Variants in GRM1 observed in about 807,000 individuals in gnomAD.
The protein encoded by GRM1 is metabotropic glutamate receptor 1.
GRM1 carries 33 observed loss-of-function variants against 90.9 expected under a neutral mutation model. That is an observed-to-expected ratio of 0.36 (90% CI 0.28 to 0.49). The LOEUF (loss-of-function observed/expected upper bound fraction) is 0.49. GRM1 is among the 20% of genes least tolerant of loss of function. The probability of loss-of-function intolerance (pLI) is 0.99; values close to 1 mark genes in which losing one functional copy is unlikely to be tolerated. For synonymous variants in GRM1, 700 were observed against 613.2 expected, an observed-to-expected ratio of 1.14 and a Z score of -2.09; for missense variants, 1,190 against 1,534.3, an observed-to-expected ratio of 0.78 and a Z score of 3.75.
chr6:146,425,383 T>C (rs1238850166), intron 7 of GRM1, among the ~76,000 whole-genome samples: 5 of 152,228 alleles, frequency 3.3e-5, no homozygotes, highest in African/African-American at 1.2e-4. Context: ...AGGGGCATGG[T>C]CTCCTCCTGC....
chr6:146,371,702 T>G (rs1405848799), intron 5 of GRM1, among the ~76,000 whole-genome samples: 1 of 152,072 alleles, frequency 6.6e-6, no homozygotes, highest in Non-Finnish European at 1.5e-5. Flanking sequence ...CGCAGATAAG[T>G]GGGAATATGT....
chr6:146,259,806 A>G (rs1178617492), intron 2 of GRM1, among the ~76,000 whole-genome samples: 1 of 151,882 alleles, frequency 6.6e-6, no homozygotes, highest in Admixed American at 6.6e-5. Context: ...GTTTTTCTGG[A>G]TATATAACCA....
At chr6:146,383,339 T>C (rs1269996058) in intron 5 of GRM1, among the ~76,000 whole-genome samples, 1 of 152,168 alleles carries the variant, frequency 6.6e-6, no homozygotes, top group African/African-American at 2.4e-5. Flanking sequence ...TTTGAATTTG[T>C]CTAATTAGCA....
At chr6:146,233,330 GTC>G (rs1354851971) in intron 2 of GRM1, among the ~76,000 whole-genome samples, 1 of 152,088 alleles carries the variant, frequency 6.6e-6, no homozygotes, top group Non-Finnish European at 1.5e-5. Flanking sequence ...TAATTGTGGA[GTC>G]TCTGCCCAAC....
chr6:146,384,874 T>C (rs949729829), intron 5 of GRM1, among the ~76,000 whole-genome samples: 1 of 152,090 alleles, frequency 6.6e-6, no homozygotes, highest in Non-Finnish European at 1.5e-5. Context: ...ATGGATTGGA[T>C]TAACAGCACA....
At chr6:146,380,092 G>C (rs1583415057) in intron 5 of GRM1, among the ~76,000 whole-genome samples, 1 of 152,102 alleles carries the variant, frequency 6.6e-6, no homozygotes, top group African/African-American at 2.4e-5. Flanking sequence ...TCTTTCTCAA[G>C]GCCTGCTGAA....
At chr6:146,405,330 G>A (rs1777307802) in intron 7 of GRM1, among the ~76,000 whole-genome samples, 1 of 152,114 alleles carries the variant, frequency 6.6e-6, no homozygotes, top group Non-Finnish European at 1.5e-5. Context: ...ACAAACATTA[G>A]GGAACTCTTA....
intron 2 of GRM1, among the ~76,000 whole-genome samples, chr6:146,169,094 T>C (rs1166624246): frequency 1.3e-5 from 2 of 152,162 alleles, no homozygotes; most frequent in Non-Finnish European, 2.9e-5. Flanking sequence ...CATTTTTACA[T>C]AGAAATTTTA....
chr6:146,394,319 T>C (rs1479655933), intron 6 of GRM1, among the ~76,000 whole-genome samples: 2 of 152,142 alleles, frequency 1.3e-5, no homozygotes, highest in Non-Finnish European at 2.9e-5. Context: ...GATAAATTCC[T>C]CTTAGTAGTA....
At chr6:146,135,113 G>A (rs1776571230) in intron 1 of GRM1, among the ~76,000 whole-genome samples, 1 of 152,106 alleles carries the variant, frequency 6.6e-6, no homozygotes, top group Admixed American at 6.5e-5. Context: ...GATAATATTT[G>A]CATATATATA....
chr6:146,188,072 T>G (rs1445209543), intron 2 of GRM1, among the ~76,000 whole-genome samples: 4 of 152,074 alleles, frequency 2.6e-5, no homozygotes, highest in Admixed American at 1.3e-4. Flanking sequence ...TCATTTAAAG[T>G]GTTTCAAAAA....
chr6:146,038,050 CTGCTCCACAT>C (rs1265363520), intron 1 of GRM1, among the ~76,000 whole-genome samples: 1 of 151,990 alleles, frequency 6.6e-6, no homozygotes, highest in East Asian at 1.9e-4. Context: ...TGTAGAGTGA[CTGCTCCACAT>C]GAAGCTCTAT....
intron 1 of GRM1, among the ~76,000 whole-genome samples, chr6:146,053,018 T>G (rs1775349816): frequency 6.6e-6 from 1 of 152,008 alleles, no homozygotes; most frequent in Non-Finnish European, 1.5e-5. Context: ...TGACTAGACA[T>G]TGCTAATTGA....
At chr6:146,122,519 G>C (rs1215967870) in intron 1 of GRM1, among the ~76,000 whole-genome samples, 1 of 151,808 alleles carries the variant, frequency 6.6e-6, no homozygotes, top group East Asian at 1.9e-4. Context: ...CTTTTCTCTT[G>C]ATAGGTGTCA....
intron 1 of GRM1, among the ~76,000 whole-genome samples, chr6:146,123,468 T>C (rs1363729323): frequency 6.6e-6 from 1 of 152,196 alleles, no homozygotes; most frequent in East Asian, 1.9e-4. Context: ...CCAGAAGTTA[T>C]CTGGAGCACC....
intron 2 of GRM1, among the ~76,000 whole-genome samples, chr6:146,262,084 C>CAAA (rs11392952): frequency 0.035 from 3,499 of 101,292 alleles, 80 homozygotes; most frequent in African/African-American, 0.054. Context: ...GAAAACAAAA[C>CAAA]AAAAAAAAAA....
At chr6:146,272,629 G>A (rs1415108734) in intron 2 of GRM1, among the ~76,000 whole-genome samples, 1 of 152,212 alleles carries the variant, frequency 6.6e-6, no homozygotes, top group Non-Finnish European at 1.5e-5. Flanking sequence ...GAGAGACAAA[G>A]AGGATTTGTA....
intron 2 of GRM1, among the ~76,000 whole-genome samples, chr6:146,163,356 G>T (rs7739637): frequency 0.053 from 8,112 of 152,204 alleles, 714 homozygotes; most frequent in African/African-American, 0.18. Flanking sequence ...AATAATGATT[G>T]TGATGCTGAT....
At chr6:146,076,756 G>C (rs1049182490) in intron 1 of GRM1, among the ~76,000 whole-genome samples, 3 of 152,146 alleles carry the variant, frequency 2.0e-5, no homozygotes, top group African/African-American at 7.2e-5. Flanking sequence ...TCTGACAGAA[G>C]AGCTGCCTCT....
Sources: gnomAD v4.1 joint callset for allele counts (sites outside exome capture counted in the v4.1 genomes callset) on GRCh38, gnomAD v4.1.1 for gene constraint, MANE v1.5 for transcripts, NCBI Gene and HGNC (gene_info 2026-07-23, HGNC 2026-07-21) for gene names.